TMC1: variants seen among roughly 807,000 people sequenced by gnomAD.
TMC1 encodes transmembrane channel like 1.
In TMC1, 84 loss-of-function variants were observed where a neutral mutation model predicts 105.8. That is an observed-to-expected ratio of 0.79 (90% confidence interval 0.67 to 0.95). The LOEUF is 0.95. Ranked by LOEUF, TMC1 falls within the 40% of genes least tolerant of loss-of-function variation. TMC1 has a pLI of 0.00. For synonymous variants in TMC1, 315 were observed against 311.5 expected (o/e 1.01, Z -0.12); for missense variants, 817 against 914.1 (o/e 0.89, Z 1.37).
chr9:72,722,205 C>A (rs1373626), intron 8 of TMC1, among the ~76,000 whole-genome samples: 86,230 of 152,022 alleles, frequency 0.57, 25,869 homozygotes, highest in African/African-American at 0.78. Flanking sequence ...GAGGTAAGGT[C>A]ACCTTACACA....
intron 17 of TMC1, among the ~76,000 whole-genome samples, chr9:72,794,397 G>A (rs1828328943): frequency 6.6e-6 from 1 of 152,124 alleles, no homozygotes; most frequent in Non-Finnish European, 1.5e-5. Flanking sequence ...AGGGAACATG[G>A]CTGCAACTGT....
intron 4 of TMC1, among the ~76,000 whole-genome samples, chr9:72,647,141 CA>C (rs1196322492): frequency 0.044 from 2,439 of 55,948 alleles, 49 homozygotes; most frequent in African/African-American, 0.12. Context: ...GACTCCATCT[CA>C]AAAAAAAAAA....
chr9:72,575,153 G>A (rs12004349), intron 1 of TMC1, among the ~76,000 whole-genome samples: 24,570 of 152,118 alleles, frequency 0.16, 2,090 homozygotes, highest in Middle Eastern at 0.23. Flanking sequence ...TCCCATTTGT[G>A]TTGATATTCC....
chr9:72,538,155 G>GAAA (rs35243551), intron 1 of TMC1, among the ~76,000 whole-genome samples: 1 of 124,432 alleles, frequency 8.0e-6, no homozygotes, highest in Non-Finnish European at 1.7e-5. Context: ...GACCCTGTCT[G>GAAA]AAAAAAAAAA....
intron 1 of TMC1, among the ~76,000 whole-genome samples, chr9:72,552,312 C>G (rs995509180): frequency 4.6e-5 from 7 of 152,104 alleles, no homozygotes; most frequent in African/African-American, 1.2e-4. Flanking sequence ...CTTGTCTCTT[C>G]CCCCTGCTGT....
intron 5 of TMC1, among the ~76,000 whole-genome samples, chr9:72,682,360 T>C (rs1826302515): frequency 6.6e-6 from 1 of 152,244 alleles, no homozygotes; most frequent in African/African-American, 2.4e-5. Flanking sequence ...GATCTCATTC[T>C]GTGTTTCTCA....
intron 8 of TMC1, among the ~76,000 whole-genome samples, chr9:72,705,124 C>T (rs1257098966): frequency 6.6e-6 from 1 of 152,076 alleles, no homozygotes. Context: ...TCTTTCCTAC[C>T]TATAAGAGGT....
chr9:72,826,040 T>C (rs910307946), intron 20 of TMC1, among the ~76,000 whole-genome samples: 1 of 152,232 alleles, frequency 6.6e-6, no homozygotes, highest in African/African-American at 2.4e-5. Flanking sequence ...AAACATTGTA[T>C]TAAATGTTGC....
intron 3 of TMC1, among the ~76,000 whole-genome samples, chr9:72,624,876 C>G (rs1218880515): frequency 1.3e-5 from 2 of 152,198 alleles, no homozygotes; most frequent in Non-Finnish European, 1.5e-5. Flanking sequence ...TGAGGATGAC[C>G]TGGATTTTCC....
At chr9:72,804,398 A>G (rs776464598) in intron 17 of TMC1, among the ~76,000 whole-genome samples, 3 of 152,202 alleles carry the variant, frequency 2.0e-5, no homozygotes, top group Non-Finnish European at 4.4e-5. Flanking sequence ...GAAGACATAA[A>G]AAATTTAAAA....
intron 6 of TMC1, among the ~76,000 whole-genome samples, chr9:72,691,696 A>T (rs1444833): frequency 1.5e-4 from 23 of 151,904 alleles, no homozygotes; most frequent in Non-Finnish European, 2.4e-4. Context: ...TGTTTCCAGT[A>T]GTCCCCAGGC....
chr9:72,831,205 A>C (rs1296761880), intron 23 of TMC1, among the ~76,000 whole-genome samples: 1 of 152,156 alleles, frequency 6.6e-6, no homozygotes, highest in East Asian at 1.9e-4. Flanking sequence ...AAAATTAATA[A>C]TATGCTTTGA....
chr9:72,623,218 G>C (rs1224152857), intron 3 of TMC1, among the ~76,000 whole-genome samples: 1 of 141,194 alleles, frequency 7.1e-6, no homozygotes, highest in Non-Finnish European at 1.5e-5. Flanking sequence ...AGGGTCATTG[G>C]ACACAGAGAT....
intron 8 of TMC1, among the ~76,000 whole-genome samples, chr9:72,707,536 T>G (rs2117895414): frequency 6.6e-6 from 1 of 152,318 alleles, no homozygotes; most frequent in South Asian, 2.1e-4. Context: ...TTTCATAAGT[T>G]TTTTGGTCGT....
chr9:72,638,322 G>A (rs1188988904), intron 4 of TMC1, among the ~76,000 whole-genome samples: 1 of 152,064 alleles, frequency 6.6e-6, no homozygotes, highest in Non-Finnish European at 1.5e-5. Context: ...GAAACCTAGA[G>A]GCCCGGGAGT....
intron 1 of TMC1, among the ~76,000 whole-genome samples, chr9:72,568,550 C>T (rs1249153644): frequency 6.6e-6 from 1 of 152,172 alleles, no homozygotes; most frequent in African/African-American, 2.4e-5. Context: ...AGAACATAGG[C>T]TCTTCTTCAA....
At chr9:72,651,498 C>T (rs1825814014) in intron 5 of TMC1, 2 of 152,206 alleles carry the variant, frequency 1.3e-5, no homozygotes, top group South Asian at 4.1e-4. Context: ...AGGCTTGCCA[C>T]TTCAAGGGCA....
intron 23 of TMC1, 76 bp from the exon 24 acceptor site, chr9:72,835,875 T>C: frequency 6.5e-7 from 1 of 1,545,014 alleles, no homozygotes; most frequent in South Asian, 1.2e-5. Context: ...AAAGCTACGT[T>C]TTTATTTGCC....
At chr9:72,771,092 A>G (rs1355456333) in intron 12 of TMC1, among the ~76,000 whole-genome samples, 1 of 152,130 alleles carries the variant, frequency 6.6e-6, no homozygotes, top group Non-Finnish European at 1.5e-5. Flanking sequence ...ATTTTTTCTT[A>G]AACTGAAAAA....
Sources: allele counts gnomAD v4.1 joint callset (sites outside exome capture counted in the v4.1 genomes callset), GRCh38; gene constraint gnomAD v4.1.1; transcripts MANE v1.5; gene names NCBI Gene and HGNC (gene_info 2026-07-23, HGNC 2026-07-21).